Variants in MINDY3 observed in about 807,000 individuals in gnomAD.
MINDY3 encodes MINDY lysine 48 deubiquitinase 3, also known as ubiquitin carboxyl-terminal hydrolase MINDY-3.
In MINDY3, 38 loss-of-function variants were observed where a neutral mutation model predicts 69.2. That is an observed-to-expected ratio of 0.55 (90% CI 0.42 to 0.72). The LOEUF is 0.72. Ranked by LOEUF, MINDY3 falls within the 30% of genes least tolerant of loss-of-function variation. The pLI, the probability that MINDY3 is intolerant of heterozygous loss-of-function variation, is 0.00. For missense variants in MINDY3, 522 were observed against 519.0 expected (o/e 1.01, Z -0.06); for synonymous variants, 192 against 180.1 (o/e 1.07, Z -0.53).
At chr10:15,824,342 T>TC (rs1839955607) in intron 8 of MINDY3, among the ~76,000 whole-genome samples, 1 of 152,204 alleles carries the variant, frequency 6.6e-6, no homozygotes, top group Non-Finnish European at 1.5e-5. Flanking sequence ...CATTGTGGTT[T>TC]TGATTTGTAG....
chr10:15,787,361 G>C lies in MINDY3; in HGVS notation c.1029-713C>G, dbSNP rs150830444. 8.3e-4 allele frequency among the ~76,000 whole-genome samples: 127 copies of C among 152,180 alleles called. 1 individual carries two copies. Among genetic ancestry groups the C allele is most frequent in the African/African-American group, 3.0e-3 (124 of 41,534 alleles). On this transcript the variant is annotated intron_variant, in intron 12 of 14. Transcript: ENST00000277632. ...GAAGAAGGCAGACTGCAGTTTAATG[G>C]GTTTAAAAATGAAAATAGTCTTCAG...
chr10:15,798,991 G>T (rs1220951716), intron 10 of MINDY3, among the ~76,000 whole-genome samples: 3 of 151,912 alleles, frequency 2.0e-5, no homozygotes, highest in African/African-American at 4.8e-5. Flanking sequence ...GGTTTGGCAA[G>T]CATTTTTCTG....
At chr10:15,829,531 AC>A (rs1659932518) in intron 8 of MINDY3, among the ~76,000 whole-genome samples, 1 of 152,224 alleles carries the variant, frequency 6.6e-6, no homozygotes, top group African/African-American at 2.4e-5. Context: ...AAGATTATAA[AC>A]ATAGGGTTGA....
chr10:15,799,166 A>G (rs1838068492), intron 10 of MINDY3, among the ~76,000 whole-genome samples: 1 of 152,070 alleles, frequency 6.6e-6, no homozygotes, highest in Non-Finnish European at 1.5e-5. Flanking sequence ...TGATTTAGAT[A>G]ATATATTACA....
At chr10:15,794,417 G>C (rs559197926) in intron 11 of MINDY3, among the ~76,000 whole-genome samples, 1 of 151,928 alleles carries the variant, frequency 6.6e-6, no homozygotes, top group Non-Finnish European at 1.5e-5. Context: ...GCTAAACCAC[G>C]AACAGTGTGA....
At chr10:15,801,199 A>C (rs1368394465) in intron 10 of MINDY3, among the ~76,000 whole-genome samples, 1 of 152,188 alleles carries the variant, frequency 6.6e-6, no homozygotes, top group African/African-American at 2.4e-5. Flanking sequence ...AATGCCATAA[A>C]GGACATTTAT....
chr10:15,779,655 A>C (rs1318264770), intron 14 of MINDY3, among the ~76,000 whole-genome samples: 1 of 152,198 alleles, frequency 6.6e-6, no homozygotes, highest in Non-Finnish European at 1.5e-5. Context: ...TTTGTCAACA[A>C]AACTTGCTAT....
intron 2 of MINDY3, among the ~76,000 whole-genome samples, chr10:15,846,606 A>C (rs746985108): frequency 1.3e-5 from 2 of 152,192 alleles, no homozygotes; most frequent in Non-Finnish European, 2.9e-5. Context: ...TTTGGAATCA[A>C]CCATAATTTT....
rs181821381 is a variant in MINDY3, at chr10:15,821,544, G to A, written c.801+112C>T. 9.6e-5 allele frequency: 68 copies of A among 706,984 alleles called. No individual in the cohort carries two copies. The East Asian group carries it at 1.2e-3, about 12-fold the overall frequency. 43.8% of individuals were successfully genotyped at this position (706,984 alleles called of 1,614,324 possible). On this transcript the variant is annotated intron_variant, in intron 9 of 14. Coordinates refer to ENST00000277632, the MANE Select transcript of MINDY3 (RefSeq NM_024948.4). ...GGGGGATAGGAAGGAAGAAGAGAGC[G>A]GTACTGAACCATAGTGCTGTGCTCA... is the stretch of plus-strand genomic sequence containing the variant.
intron 1 of MINDY3, among the ~76,000 whole-genome samples, chr10:15,856,404 C>A (rs1169264377): frequency 6.6e-6 from 1 of 151,460 alleles, no homozygotes; most frequent in African/African-American, 2.4e-5. Flanking sequence ...CGCCCCTCTT[C>A]CCCTGGGGAA....
At chr10:15,843,123 C>A in intron 3 of MINDY3, 89 bp downstream of exon 3, 2 of 1,042,618 alleles carry the variant, frequency 1.9e-6, no homozygotes, top group South Asian at 1.5e-5. Flanking sequence ...AAAAAAATTC[C>A]CACTGATACT....
intron 10 of MINDY3, among the ~76,000 whole-genome samples, chr10:15,799,269 G>T (rs1189921751): frequency 6.6e-6 from 1 of 151,914 alleles, no homozygotes; most frequent in Non-Finnish European, 1.5e-5. Flanking sequence ...GTGTGATCTT[G>T]CCTCACTGCA....
chr10:15,788,234 T>A (rs763363715), intron 12 of MINDY3, among the ~76,000 whole-genome samples: 3 of 152,286 alleles, frequency 2.0e-5, no homozygotes, highest in Middle Eastern at 3.4e-3. Flanking sequence ...TCATACCATT[T>A]GTTGGACTAG....
chr10:15,787,185 A>G (rs979633204), intron 12 of MINDY3, among the ~76,000 whole-genome samples: 4 of 152,148 alleles, frequency 2.6e-5, no homozygotes, highest in Admixed American at 2.0e-4. Context: ...TTAATTCTCA[A>G]AGAGCTAATG....
chr10:15,820,149 G>A (rs1334511892), intron 9 of MINDY3, among the ~76,000 whole-genome samples: 1 of 152,158 alleles, frequency 6.6e-6, no homozygotes, highest in African/African-American at 2.4e-5. Context: ...AAGAATATCT[G>A]AGGGAGTGGT....
intron 13 of MINDY3, 79 bp from the exon 14 acceptor site, chr10:15,782,305 A>G: frequency 2.1e-6 from 2 of 972,578 alleles, no homozygotes; most frequent in Non-Finnish European, 3.1e-6. Flanking sequence ...AGTAAAATGC[A>G]TGTTTCTCAA....
intron 10 of MINDY3, among the ~76,000 whole-genome samples, chr10:15,815,927 G>C (rs1237174186): frequency 6.6e-6 from 1 of 152,172 alleles, no homozygotes; most frequent in Non-Finnish European, 1.5e-5. Flanking sequence ...ACAGATTATA[G>C]TTGAGATTTA....
chr10:15,787,637 G>T (rs1385384941), intron 12 of MINDY3, among the ~76,000 whole-genome samples: 1 of 152,084 alleles, frequency 6.6e-6, no homozygotes, highest in Non-Finnish European at 1.5e-5. Context: ...AGCTGCATCT[G>T]CGCTGACATA....
intron 6 of MINDY3, among the ~76,000 whole-genome samples, chr10:15,835,435 C>G (rs758367924): frequency 6.6e-6 from 1 of 151,990 alleles, no homozygotes; most frequent in Non-Finnish European, 1.5e-5. Flanking sequence ...TGACTAAATC[C>G]CGCAGGGGGA....
Sources: gnomAD v4.1 joint callset for allele counts (sites outside exome capture counted in the v4.1 genomes callset) on GRCh38, gnomAD v4.1.1 for gene constraint, MANE v1.5 for transcripts, NCBI Gene and HGNC (gene_info 2026-07-23, HGNC 2026-07-21) for gene names.